The following OSMR variants were observed in gnomAD, a reference collection of about 807,000 sequenced individuals.
The protein encoded by OSMR is oncostatin M receptor.
A neutral mutation model predicts 99.9 loss-of-function variants in OSMR; 81 were observed. That is an observed-to-expected ratio of 0.81 (90% CI 0.68 to 0.97). OSMR has a LOEUF of 0.97. Among genes scored for constraint, OSMR ranks in the 50% least tolerant of loss-of-function variants. The probability of loss-of-function intolerance (pLI) is 0.00; values close to 1 mark genes in which losing one functional copy is unlikely to be tolerated. For synonymous variants in OSMR, 406 were observed against 410.4 expected (o/e 0.99, Z 0.13); for missense variants, 1,099 against 1,153.4 (o/e 0.95, Z 0.68).
At chr5:38,857,659 C>T (rs10461993) in intron 1 of OSMR, among the ~76,000 whole-genome samples, 9,701 of 151,876 alleles carry the variant, frequency 0.064, 860 homozygotes, top group East Asian at 0.42. Context: ...TCTCTTCTAG[C>T]TATCTTTTTA....
chr5:38,940,331 G>A (rs1747422634), downstream of OSMR: 1 of 230,692 alleles, frequency 4.3e-6, no homozygotes, highest in Non-Finnish European at 8.6e-6. Flanking sequence ...ATTAACTGAG[G>A]TAGTGTTTAA....
At chr5:38,940,153 A>C (rs1037326431), downstream of OSMR, 16 of 229,010 alleles carry the variant, frequency 7.0e-5, no homozygotes, top group African/African-American at 2.5e-4. Context: ...CAAAAAAAAA[A>C]ACACAAAACA....
At chr5:38,899,153 T>C (rs1744727797) in intron 7 of OSMR, among the ~76,000 whole-genome samples, 1 of 151,960 alleles carries the variant, frequency 6.6e-6, no homozygotes, top group Admixed American at 6.5e-5. Context: ...AGAGACAGGG[T>C]TTCACCATGT....
chr5:38,856,424 CAG>C (rs1257627702), intron 1 of OSMR, among the ~76,000 whole-genome samples: 5 of 152,164 alleles, frequency 3.3e-5, no homozygotes, highest in Non-Finnish European at 5.9e-5. Flanking sequence ...GCCTGAAACA[CAG>C]GGGGTGGCCT....
Position 38,881,763 on chromosome 5 carries a change from T to C in OSMR, c.417T>C (p.Ser139=). The change falls in exon 4 of 18, where the codon AGT becomes AGC. Residue 139 remains serine, a splice_region_variant and synonymous_variant. Coordinates refer to ENST00000274276, the MANE Select transcript of OSMR (RefSeq NM_003999.3). The part of the protein sequence containing the change: ...WSNWSSWEEV[S]VQDSTGQDIL... The stretch of plus-strand genomic sequence containing the variant: ...ACTGGAGTTCCTGGGAGGAAGTCAG[T>C]GGTAAGAAGTGAGGTGGTTACAAGA... The C allele has an allele frequency of 1.2e-6, 2 of 1,613,140 alleles. No individual in the cohort carries two copies. The highest frequency in any genetic ancestry group is 2.2e-5 in the South Asian group (2 of 91,062).
chr5:38,858,028 A>G (rs572531506), intron 1 of OSMR, among the ~76,000 whole-genome samples: 10 of 152,314 alleles, frequency 6.6e-5, no homozygotes, highest in African/African-American at 2.4e-4. Context: ...TAGGGGGTAT[A>G]TGTGATATTT....
At chr5:38,857,601 T>C (rs572617824) in intron 1 of OSMR, among the ~76,000 whole-genome samples, 3 of 152,280 alleles carry the variant, frequency 2.0e-5, no homozygotes, top group East Asian at 3.9e-4. Flanking sequence ...ATTAGCATAT[T>C]CAAAACTTTA....
At chr5:38,874,037 G>T (rs1164232468) in intron 2 of OSMR, among the ~76,000 whole-genome samples, 1 of 151,870 alleles carries the variant, frequency 6.6e-6, no homozygotes, top group Non-Finnish European at 1.5e-5. Flanking sequence ...TTTCCATGTT[G>T]CCGACTCTTT....
chr5:38,862,529 A>G (rs1397863606), intron 1 of OSMR, among the ~76,000 whole-genome samples: 3 of 130,488 alleles, frequency 2.3e-5, no homozygotes, highest in East Asian at 5.2e-4. Context: ...CAGACGGGGC[A>G]GTTGCCGGGC....
At position 38,924,527 on chromosome 5, in the gene OSMR, G is replaced by C. The variant is rs1281251417; in HGVS notation, c.1976G>C (p.Gly659Ala). Reference sequence around the variant, plus strand: ...GAATCTCAACCTGGTTTTATACAAGGGTACCATGTCTATCTGAAATCCAAG... The same window carrying C: ...GAATCTCAACCTGGTTTTATACAAGCGTACCATGTCTATCTGAAATCCAAG... ...STESQPGFIQ[G>A]YHVYLKSKAR... Residue 659 changes from glycine to alanine, a missense_variant, in exon 14 of 18, where the codon GGG becomes GCG. Transcript: ENST00000274276. 1 of 1,613,974 alleles carries C rather than the reference G, an allele frequency of 6.2e-7. No homozygotes were observed. The highest frequency in any genetic ancestry group is 8.5e-7 in the Non-Finnish European group (1 of 1,179,992).
rs1745051842 is a variant in OSMR, at chr5:38,903,903, G to A, written c.1013G>A (p.Ser338Asn). 5.0e-6 allele frequency: 8 copies of A among 1,612,886 alleles called. No homozygotes were observed. Among genetic ancestry groups the A allele is most frequent in the Non-Finnish European group, 6.8e-6 (8 of 1,179,634 alleles). ...ACAGTTTATTTAATGAATCCTTTTA[G>A]TGTCAACTTTGAAAATGTAAATGCC... The part of the protein sequence containing the change: ...THRVYLMNPF[S>N]VNFENVNATN... Residue 338 changes from serine (S) to asparagine (N), a missense_variant, in exon 8 of 18, where the codon AGT (serine) becomes AAT (asparagine). By Grantham distance (46) the Ser-to-Asn change is conservative. Coordinates refer to ENST00000274276, the MANE Select transcript of OSMR (RefSeq NM_003999.3).
intron 1 of OSMR, among the ~76,000 whole-genome samples, chr5:38,849,807 T>C (rs188014320): frequency 6.6e-6 from 1 of 152,348 alleles, no homozygotes; most frequent in Admixed American, 6.5e-5. Context: ...TTGGATAAAT[T>C]ACTTGTCAAC....
intron 2 of OSMR, chr5:38,944,335 T>C: frequency 6.4e-6 from 7 of 1,096,348 alleles, no homozygotes; most frequent in Non-Finnish European, 8.2e-6. Context: ...CAATGCAGTT[T>C]AGAACTACTG....
intron 7 of OSMR, among the ~76,000 whole-genome samples, chr5:38,887,645 C>T (rs1743875303): frequency 6.6e-6 from 1 of 152,082 alleles, no homozygotes; most frequent in Non-Finnish European, 1.5e-5. Context: ...TATTCTTTTT[C>T]AGAAATATCC....
chr5:38,873,998 G>C (rs542155917), intron 2 of OSMR, among the ~76,000 whole-genome samples: 1 of 151,794 alleles, frequency 6.6e-6, no homozygotes. Flanking sequence ...CCAGCTACTT[G>C]TTGTATTTTT....
At chr5:38,852,022 G>T (rs1740405272) in intron 1 of OSMR, among the ~76,000 whole-genome samples, 1 of 152,146 alleles carries the variant, frequency 6.6e-6, no homozygotes, top group Non-Finnish European at 1.5e-5. Context: ...TCTTTCTTTT[G>T]TAAATCACCC....
chr5:38,883,927 T>A lies in OSMR; in HGVS notation c.519T>A (p.Ile173=). The A allele has an allele frequency of 6.2e-7, 1 of 1,614,008 alleles. No individual in the cohort carries two copies. Among genetic ancestry groups the A allele is most frequent in the African/African-American group, 1.3e-5 (1 of 75,064 alleles). The change falls in exon 5 of 18, where the codon ATT becomes ATA. Residue 173 remains isoleucine (I), a synonymous_variant. Coordinates refer to ENST00000274276, the MANE Select transcript of OSMR (RefSeq NM_003999.3). ...NVTICYVSRN[I]QNNVSCYLEG... is the part of the protein sequence containing the mutation. ...CCATTTGTTACGTTTCTAGGAACATTCAAAATAATGTATCCTGTTATTTGG... is the reference window on the plus strand; with the variant it reads ...CCATTTGTTACGTTTCTAGGAACATACAAAATAATGTATCCTGTTATTTGG...
chr5:38,923,208 G>A lies in OSMR; in HGVS notation c.1824G>A (p.Arg608=). 1.2e-6 allele frequency: 2 copies of A among 1,613,122 alleles called. No individual in the cohort carries two copies. The highest frequency in any genetic ancestry group is 1.7e-6 in the Non-Finnish European group (2 of 1,179,140). ...GAATTTATGGGTTATCTACAAAAAG[G>A]ATTGCTTGTTTATTAGAGAAAAAAA... ...DFRIYGLSTK[R]IACLLEKKTG... The change falls in exon 13 of 18, where the codon AGG becomes AGA. Residue 608 remains arginine (R), a synonymous_variant. Transcript: ENST00000274276.
chr5:38,868,331 A>G (rs1742100068), intron 1 of OSMR, among the ~76,000 whole-genome samples: 1 of 152,016 alleles, frequency 6.6e-6, no homozygotes, highest in Non-Finnish European at 1.5e-5. Flanking sequence ...TCTCTGTTTC[A>G]TGTGTTGCTC....
Sources: allele counts gnomAD v4.1 joint callset (sites outside exome capture counted in the v4.1 genomes callset), GRCh38; gene constraint gnomAD v4.1.1; transcripts MANE v1.5; gene names NCBI Gene and HGNC (gene_info 2026-07-23, HGNC 2026-07-21).